RBL2: variants seen among roughly 807,000 people sequenced by gnomAD.
RBL2 encodes the protein RB transcriptional corepressor like 2.
A neutral mutation model predicts 126.0 loss-of-function variants in RBL2; 56 were observed. The ratio of observed to expected loss-of-function variants is 0.44; its 90% CI spans 0.36 to 0.56. The LOEUF (loss-of-function observed/expected upper bound fraction) is 0.56. RBL2 is among the 20% of genes least tolerant of loss of function. The pLI, the probability that RBL2 is intolerant of heterozygous loss-of-function variation, is 0.00. For missense variants in RBL2, 1,229 were observed against 1,398.2 expected (o/e 0.88, Z 1.93); for synonymous variants, 454 against 478.5 (o/e 0.95, Z 0.67).
intron 17 of RBL2, among the ~76,000 whole-genome samples, chr16:53,473,571 T>C (rs1340045256): frequency 1.3e-5 from 2 of 151,708 alleles, no homozygotes; most frequent in Non-Finnish European, 2.9e-5. Flanking sequence ...TTCCTTAGGA[T>C]TACTATGTAG....
At position 53,439,151 on chromosome 16, in the gene RBL2, CTA is replaced by C. The variant is rs2057989140; in HGVS notation, c.371+7_371+8del. ...CCTGAAATGTTCAGAGCAGAGGTAACTATGTTAGAGTTTGACAAGTAGAGTAT... is the reference window on the plus strand; with the variant it reads ...CCTGAAATGTTCAGAGCAGAGGTAACTGTTAGAGTTTGACAAGTAGAGTAT... On this transcript the variant is annotated splice_donor_region_variant and intron_variant, in intron 2 of 21. Transcript: ENST00000262133. 2 of 1,579,438 alleles carry C rather than the reference CTA, an allele frequency of 1.3e-6. No individual in the cohort carries two copies. The highest frequency in any genetic ancestry group is 8.6e-7 in the Non-Finnish European group (1 of 1,165,572).
At position 53,481,814 on chromosome 16, in the gene RBL2, C is replaced by T; in HGVS notation, c.3228C>T (p.Tyr1076=). 6.3e-7 allele frequency: 1 copy of T among 1,587,012 alleles called. No individual in the cohort carries two copies. Among genetic ancestry groups the T allele is most frequent in the Non-Finnish European group, 8.7e-7 (1 of 1,155,476 alleles). ...MLSPREKIFY[Y]FSNSPSKRLR... Reference sequence around the variant, plus strand: ...CTCCTCGAGAAAAGATTTTCTATTACTTCAGCAACAGTCCTTCAAAGGTGA... The same window carrying T: ...CTCCTCGAGAAAAGATTTTCTATTATTTCAGCAACAGTCCTTCAAAGGTGA... The change falls in exon 21 of 22, where the codon TAC becomes TAT. Residue 1076 remains tyrosine (Y), a synonymous_variant. Coordinates refer to ENST00000262133, the MANE Select transcript of RBL2 (RefSeq NM_005611.4).
intron 3 of RBL2, chr16:53,443,188 A>G (rs1229322256): frequency 1.3e-5 from 2 of 158,268 alleles, no homozygotes; most frequent in African/African-American, 4.8e-5. Flanking sequence ...AGACTGTACA[A>G]GTCAGACTTA....
At position 53,485,009 on chromosome 16, in the gene RBL2, A is replaced by G. The variant is rs577465012; in HGVS notation, c.3249+3174A>G. On this transcript the variant is annotated intron_variant, in intron 21 of 21. Coordinates refer to ENST00000262133, the MANE Select transcript of RBL2 (RefSeq NM_005611.4). ...AGAGGACATATAACCCTAAATAAAA[A>G]AAAAAAACTGGTAGTCAAGAGATTT... 8.5e-5 allele frequency among the ~76,000 whole-genome samples: 13 copies of G among 152,172 alleles called. No homozygotes were observed. In the East Asian group the frequency reaches 2.5e-3, roughly 29 times the overall value.
In RBL2 at chr16:53,453,610, A is replaced by G; in HGVS notation, c.925A>G (p.Lys309Glu). The G allele has an allele frequency of 6.2e-7, 1 of 1,605,244 alleles. No homozygotes were observed. The highest frequency in any genetic ancestry group is 8.5e-7 in the Non-Finnish European group (1 of 1,176,020). Residue 309 changes from lysine (K) to glutamate (E), a missense_variant and splice_region_variant, in exon 6 of 22, where the codon AAG (lysine) becomes GAG (glutamate). Transcript: ENST00000262133. ...KPYIRKLYEK[K>E]LLKGKEENLT... Reference sequence around the variant, plus strand: ...CTATATTAGGAAACTTTATGAAAAAAAGGTTTGTAAGTAGCAAAGAAATAA... The same window carrying G: ...CTATATTAGGAAACTTTATGAAAAAGAGGTTTGTAAGTAGCAAAGAAATAA...
At chr16:53,485,004 T>TA (rs11295682) in intron 21 of RBL2, among the ~76,000 whole-genome samples, 42,393 of 145,294 alleles carry the variant, frequency 0.29, 6,228 homozygotes, top group Middle Eastern at 0.38. Flanking sequence ...TAACCCTAAA[T>TA]AAAAAAAAAA....
chr16:53,435,690 A>C (rs2057952011), intron 1 of RBL2: 1 of 1,289,100 alleles, frequency 7.8e-7, no homozygotes, highest in Non-Finnish European at 1.0e-6. Context: ...TCGTTTTATA[A>C]TTAATTTGTA....
intron 21 of RBL2, among the ~76,000 whole-genome samples, chr16:53,483,953 G>T (rs918530895): frequency 7.4e-6 from 1 of 134,438 alleles, no homozygotes; most frequent in African/African-American, 3.2e-5. Flanking sequence ...AGGTGTAAAG[G>T]TGTCACGTGC....
At position 53,491,622 on chromosome 16, in the gene RBL2, A is replaced by G. The variant is rs904641979; in HGVS notation, c.*1322A>G. Reference sequence around the variant, plus strand: ...TGTAATTTTATATGAAGATAAGTGTATTTTTCAATAAAGCATTTATAAATT... The same window carrying G: ...TGTAATTTTATATGAAGATAAGTGTGTTTTTCAATAAAGCATTTATAAATT... On this transcript the variant is annotated 3_prime_UTR_variant, in exon 22 of 22. Transcript: ENST00000262133. 23 of 152,622 alleles carry G rather than the reference A, an allele frequency of 1.5e-4. No homozygotes were observed. Among genetic ancestry groups the G allele is most frequent in the African/African-American group, 5.1e-4 (21 of 41,444 alleles). 9.5% of individuals were successfully genotyped at this position (152,622 alleles called of 1,614,324 possible).
chr16:53,483,191 A>G (rs1200145096), intron 21 of RBL2, among the ~76,000 whole-genome samples: 1 of 152,158 alleles, frequency 6.6e-6, no homozygotes, highest in Non-Finnish European at 1.5e-5. Flanking sequence ...CAACTCTTAG[A>G]CATTAATGAT....
chr16:53,459,278 T>C (rs1230135455), intron 8 of RBL2, among the ~76,000 whole-genome samples, 173 bp from the exon 9 acceptor site: 1 of 152,214 alleles, frequency 6.6e-6, no homozygotes, highest in Non-Finnish European at 1.5e-5. Flanking sequence ...AATGCTGTTA[T>C]GTTTAAATTC....
chr16:53,447,771 A>T (rs2058076516), intron 4 of RBL2, among the ~76,000 whole-genome samples: 1 of 151,958 alleles, frequency 6.6e-6, no homozygotes, highest in Admixed American at 6.6e-5. Flanking sequence ...CAGCCTCCCG[A>T]ATAGCCGTGA....
intron 8 of RBL2, among the ~76,000 whole-genome samples, chr16:53,455,856 A>C (rs2058162187): frequency 6.6e-6 from 1 of 152,092 alleles, no homozygotes; most frequent in African/African-American, 2.4e-5. Context: ...GTAGGAATAG[A>C]GTGAGGGAAA....
intron 8 of RBL2, among the ~76,000 whole-genome samples, chr16:53,456,792 T>A (rs1016587769): frequency 6.6e-6 from 1 of 152,348 alleles, no homozygotes; most frequent in East Asian, 1.9e-4. Flanking sequence ...CACTTCATTC[T>A]GGTCTCTGAT....
At chr16:53,451,979 C>T (rs2058119862) in intron 5 of RBL2, 148 bp downstream of exon 5, 2 of 871,632 alleles carry the variant, frequency 2.3e-6, no homozygotes, top group Non-Finnish European at 3.4e-6. Context: ...AGTCAAGCTG[C>T]CTGTAAAAAT....
intron 10 of RBL2, 113 bp downstream of exon 10, chr16:53,461,963 A>G: frequency 1.1e-6 from 1 of 880,392 alleles, no homozygotes; most frequent in African/African-American, 1.8e-5. Flanking sequence ...ACTGAAGGCT[A>G]GGATATGGCT....
chr16:53,453,637 G>T (rs745456209), intron 6 of RBL2, 25 bp downstream of exon 6: 2 of 1,603,878 alleles, frequency 1.2e-6, no homozygotes, highest in Admixed American at 3.4e-5. Context: ...AAGAAATAAC[G>T]TGAAAATGTT....
chr16:53,464,574 T>C (rs1417715263), intron 12 of RBL2: 4 of 403,296 alleles, frequency 9.9e-6, no homozygotes, highest in South Asian at 7.0e-5. Flanking sequence ...GGGTAAAAGC[T>C]TTGATTCCTC....
At chr16:53,479,016 G>C in intron 17 of RBL2, 138 bp from the exon 18 acceptor site, 1 of 674,998 alleles carries the variant, frequency 1.5e-6, no homozygotes, top group Non-Finnish European at 2.6e-6. Flanking sequence ...GCTATATGCC[G>C]TTAATACCAT....
Sources: gnomAD v4.1 joint callset for allele counts (sites outside exome capture counted in the v4.1 genomes callset) on GRCh38, gnomAD v4.1.1 for gene constraint, MANE v1.5 for transcripts, NCBI Gene and HGNC (gene_info 2026-07-23, HGNC 2026-07-21) for gene names.